The following CACNA2D3 variants were observed in gnomAD, a reference collection of about 807,000 sequenced individuals.
The protein encoded by CACNA2D3 is calcium voltage-gated channel auxiliary subunit alpha2delta 3.
A neutral mutation model predicts 160.6 loss-of-function variants in CACNA2D3; 60 were observed. That is an observed-to-expected ratio of 0.37 (90% CI 0.30 to 0.46). The LOEUF is 0.46. CACNA2D3 is among the 20% of genes least tolerant of loss of function. The pLI is 1.00. For missense variants in CACNA2D3, 1,205 were observed against 1,365.0 expected (o/e 0.88, Z 1.85); for synonymous variants, 558 against 492.9 (o/e 1.13, Z -1.75).
chr3:54,476,381 G>A (rs76058910), intron 4 of CACNA2D3, among the ~76,000 whole-genome samples: 2,947 of 151,948 alleles, frequency 0.019, 77 homozygotes, highest in East Asian at 0.11. Context: ...GTGTGCAGCT[G>A]TCTCTTTGAG....
chr3:54,405,010 A>G lies in CACNA2D3; in HGVS notation c.381+18236A>G, dbSNP rs868790488. Among the ~76,000 whole-genome samples the G allele has an allele frequency of 2.4e-4, 36 of 152,030 alleles. 1 individual carries two copies. The highest frequency in any genetic ancestry group is 3.4e-3 in the Middle Eastern group (1 of 294). On this transcript the variant is annotated intron_variant, in intron 4 of 37. Coordinates refer to ENST00000474759, the MANE Select transcript of CACNA2D3 (RefSeq NM_018398.3). Reference sequence around the variant, plus strand: ...TATAAAACATTGATGAAAGAAATTGAAGAGGACACAAATAGAAAGATATTT... The same window carrying G: ...TATAAAACATTGATGAAAGAAATTGGAGAGGACACAAATAGAAAGATATTT...
chr3:54,501,930 A>T (rs760537191), intron 4 of CACNA2D3, among the ~76,000 whole-genome samples: 4 of 152,244 alleles, frequency 2.6e-5, no homozygotes, highest in Middle Eastern at 3.4e-3. Flanking sequence ...CTTTCTTTGA[A>T]CACTTTTTAA....
intron 27 of CACNA2D3, among the ~76,000 whole-genome samples, chr3:54,952,728 A>G (rs1701790378): frequency 6.6e-6 from 1 of 152,150 alleles, no homozygotes; most frequent in Non-Finnish European, 1.5e-5. Context: ...CCAGATGGGA[A>G]AGCTCTCTCA....
At chr3:54,653,574 G>A (rs1165373084) in intron 11 of CACNA2D3, among the ~76,000 whole-genome samples, 1 of 152,222 alleles carries the variant, frequency 6.6e-6, no homozygotes, top group Non-Finnish European at 1.5e-5. Context: ...CCTCCCTGCA[G>A]CTGAAGGGAG....
chr3:55,026,938 A>G (rs1262504962), intron 35 of CACNA2D3, among the ~76,000 whole-genome samples: 1 of 152,188 alleles, frequency 6.6e-6, no homozygotes. Flanking sequence ...TCAGACAGCC[A>G]TTTGCTACCC....
chr3:55,027,827 TCAA>T, intron 35 of CACNA2D3, among the ~76,000 whole-genome samples: 1 of 152,180 alleles, frequency 6.6e-6, no homozygotes, highest in Non-Finnish European at 1.5e-5. Context: ...CAAACTAGTC[TCAA>T]GGCAGCGATT....
At chr3:54,764,459 A>G in intron 13 of CACNA2D3, 108 bp downstream of exon 13, 1 of 1,360,000 alleles carries the variant, frequency 7.4e-7, no homozygotes, top group South Asian at 1.4e-5. Context: ...GTGTTCAGTG[A>G]CACTTTTCTT....
Position 54,869,682 on chromosome 3 carries a change from T to G in CACNA2D3, c.1627-1857T>G, listed in dbSNP as rs529790948. Among the ~76,000 whole-genome samples, 11 of 152,270 alleles carry G rather than the reference T, an allele frequency of 7.2e-5. No individual in the cohort carries two copies. The South Asian group carries it at 2.3e-3, about 32-fold the overall frequency. The stretch of plus-strand genomic sequence containing the variant: ...GTAACAGAGGTCCAGAACGACTGTC[T>G]GACTCTAAGTCCTCAGGGGGACACT... On this transcript the variant is annotated intron_variant, in intron 17 of 37. Coordinates refer to ENST00000474759, the MANE Select transcript of CACNA2D3 (RefSeq NM_018398.3).
chr3:54,661,133 G>C (rs1699962778), intron 11 of CACNA2D3, among the ~76,000 whole-genome samples: 1 of 152,166 alleles, frequency 6.6e-6, no homozygotes, highest in Non-Finnish European at 1.5e-5. Context: ...AGGCTTCTGA[G>C]GCCCCACCAG....
intron 5 of CACNA2D3, among the ~76,000 whole-genome samples, chr3:54,547,952 C>T (rs914555687): frequency 1.3e-5 from 2 of 152,200 alleles, no homozygotes; most frequent in Non-Finnish European, 2.9e-5. Context: ...CCTTGACCTT[C>T]CAAAGCACTC....
chr3:55,062,847 C>T lies in CACNA2D3; in HGVS notation c.2988-10598C>T, dbSNP rs140558126. Reference sequence around the variant, plus strand: ...CTCTTCCATTTGTTTTCCTGGGTTACAAAAAGAGAATTTTCTACACACTCC... The same window carrying T: ...CTCTTCCATTTGTTTTCCTGGGTTATAAAAAGAGAATTTTCTACACACTCC... On this transcript the variant is annotated intron_variant, in intron 35 of 37. Coordinates refer to ENST00000474759, the MANE Select transcript of CACNA2D3 (RefSeq NM_018398.3). Among the ~76,000 whole-genome samples the T allele has an allele frequency of 7.2e-5, 11 of 152,318 alleles. No homozygotes were observed. The East Asian group carries it at 1.9e-3, about 27-fold the overall frequency.
intron 31 of CACNA2D3, among the ~76,000 whole-genome samples, chr3:55,000,075 C>G (rs1323999731): frequency 6.6e-6 from 1 of 152,142 alleles, no homozygotes; most frequent in African/African-American, 2.4e-5. Context: ...GGCATGTTAT[C>G]TGTAATAAGA....
At chr3:54,493,984 T>A (rs1701157799) in intron 4 of CACNA2D3, among the ~76,000 whole-genome samples, 1 of 152,220 alleles carries the variant, frequency 6.6e-6, no homozygotes, top group Admixed American at 6.5e-5. Flanking sequence ...TTGAACCACT[T>A]CCTGAGCCTG....
At chr3:54,882,750 G>A (rs924397385) in intron 21 of CACNA2D3, among the ~76,000 whole-genome samples, 3 of 152,154 alleles carry the variant, frequency 2.0e-5, no homozygotes, top group East Asian at 3.9e-4. Context: ...GAGCCGTGGT[G>A]TATTATTGTT....
chr3:54,502,123 T>C (rs1000319853), intron 4 of CACNA2D3, among the ~76,000 whole-genome samples: 2 of 152,330 alleles, frequency 1.3e-5, no homozygotes, highest in African/African-American at 4.8e-5. Flanking sequence ...ATCTTCGTAA[T>C]ATTCATTGTG....
At chr3:54,661,104 A>T (rs60649256) in intron 11 of CACNA2D3, among the ~76,000 whole-genome samples, 2,637 of 152,190 alleles carry the variant, frequency 0.017, 80 homozygotes, top group African/African-American at 0.061. Context: ...TCGAGGGAGG[A>T]TTAGCCAAAT....
chr3:54,809,226 T>G (rs1409926192), intron 13 of CACNA2D3, among the ~76,000 whole-genome samples: 1 of 150,944 alleles, frequency 6.6e-6, no homozygotes, highest in African/African-American at 2.4e-5. Flanking sequence ...CTGCTCTCAT[T>G]TCTCTCTTTC....
At chr3:54,900,165 A>G (rs564210916) in intron 27 of CACNA2D3, among the ~76,000 whole-genome samples, 5 of 152,182 alleles carry the variant, frequency 3.3e-5, no homozygotes, top group Admixed American at 6.5e-5. Flanking sequence ...TAGCATGTTC[A>G]TTCAAAGTAA....
intron 4 of CACNA2D3, among the ~76,000 whole-genome samples, chr3:54,432,055 A>G (rs1324073933): frequency 6.6e-6 from 1 of 152,214 alleles, no homozygotes; most frequent in Non-Finnish European, 1.5e-5. Context: ...ATAAGGGTCT[A>G]TCTGTGGCTG....
Sources: allele counts gnomAD v4.1 joint callset (sites outside exome capture counted in the v4.1 genomes callset), GRCh38; gene constraint gnomAD v4.1.1; transcripts MANE v1.5; gene names NCBI Gene and HGNC (gene_info 2026-07-23, HGNC 2026-07-21).